The following RFTN1 variants were observed in gnomAD, a reference collection of about 807,000 sequenced individuals.
RFTN1 encodes raftlin, lipid raft linker 1.
RFTN1 carries 26 observed loss-of-function variants against 46.5 expected under a neutral mutation model. That is an observed-to-expected ratio of 0.56 (90% CI 0.41 to 0.78). The LOEUF (loss-of-function observed/expected upper bound fraction) is 0.78. RFTN1 is among the 30% of genes least tolerant of loss of function. The pLI is 0.00. For synonymous variants in RFTN1, 261 were observed against 284.2 expected (o/e 0.92, Z 0.82); for missense variants, 693 against 718.7 (o/e 0.96, Z 0.41).
rs973554530 is a variant in RFTN1 at position 16,448,554 on chromosome 3, AT to A, written c.146-14518del. Among the ~76,000 whole-genome samples the A allele has an allele frequency of 6.6e-6, 1 of 152,076 alleles. No homozygotes were observed. The highest frequency in any genetic ancestry group is 1.5e-5 in the Non-Finnish European group (1 of 68,012). On this transcript the variant is annotated intron_variant, in intron 2 of 9. Coordinates refer to ENST00000334133, the MANE Select transcript of RFTN1 (RefSeq NM_015150.2). This position sits in a 1 kb window ranked among gnomAD's most constrained non-coding sequence, Gnocchi z 4.1. ...AGTAACCTTCCTTGAAGCACATTAA[AT>A]TTTTTTTCTTAACTAACTGTCGCTA...
intron 2 of RFTN1, among the ~76,000 whole-genome samples, chr3:16,487,692 C>T (rs2076472100): frequency 6.6e-6 from 1 of 152,206 alleles, no homozygotes; most frequent in South Asian, 2.1e-4. Context: ...GCCAACTGTC[C>T]CTGGCACCAA....
chr3:16,470,127 T>C (rs1483914844), intron 2 of RFTN1, among the ~76,000 whole-genome samples: 1 of 152,172 alleles, frequency 6.6e-6, no homozygotes, highest in Non-Finnish European at 1.5e-5. Context: ...TGTCTATCTT[T>C]AAAATGGGGA....
chr3:16,416,890 C>T (rs941440131), intron 3 of RFTN1, among the ~76,000 whole-genome samples: 1 of 152,164 alleles, frequency 6.6e-6, no homozygotes, highest in Non-Finnish European at 1.5e-5. Context: ...ATAAAATACA[C>T]ATCACATAAC....
chr3:16,391,611 T>C (rs1244446308), intron 4 of RFTN1, among the ~76,000 whole-genome samples: 1 of 152,138 alleles, frequency 6.6e-6, no homozygotes, highest in Non-Finnish European at 1.5e-5. Context: ...CAAAAATAGT[T>C]ACCAATCAAT....
intron 4 of RFTN1, among the ~76,000 whole-genome samples, chr3:16,398,177 G>T (rs1211826365): frequency 6.7e-6 from 1 of 150,366 alleles, no homozygotes; most frequent in African/African-American, 2.4e-5. Context: ...AACCCGGGAG[G>T]TGGAGGTTGC....
intron 6 of RFTN1, among the ~76,000 whole-genome samples, chr3:16,359,108 G>T (rs1475257908): frequency 6.6e-6 from 1 of 150,674 alleles, no homozygotes; most frequent in Non-Finnish European, 1.5e-5. Flanking sequence ...AGCACCTTTT[G>T]CCCCTTTGTT....
chr3:16,454,240 A>C (rs567427045), intron 2 of RFTN1, among the ~76,000 whole-genome samples: 1 of 152,358 alleles, frequency 6.6e-6, no homozygotes, highest in African/African-American at 2.4e-5. Flanking sequence ...AAAATTTAAT[A>C]GGAATTGCCA....
rs1479625499 is a variant in RFTN1, at chr3:16,369,685, C to T, written c.1030+391G>A. Among the ~76,000 whole-genome samples, 6 of 152,330 alleles carry T rather than the reference C, an allele frequency of 3.9e-5. No homozygotes were observed. The South Asian group carries it at 1.0e-3, about 26-fold the overall frequency. ...CTCTGCTGTTAATTTCAAGGTGCTGCTACTGCTACTTCAAACTGTAATAGT... is the reference window on the plus strand; with the variant it reads ...CTCTGCTGTTAATTTCAAGGTGCTGTTACTGCTACTTCAAACTGTAATAGT... On this transcript the variant is annotated intron_variant, in intron 6 of 9. Coordinates refer to ENST00000334133, the MANE Select transcript of RFTN1 (RefSeq NM_015150.2).
In RFTN1 at chr3:16,329,611, G is replaced by A. The variant is rs940416249; in HGVS notation, c.1147-2735C>T. Among the ~76,000 whole-genome samples, 9 of 152,162 alleles carry A rather than the reference G, an allele frequency of 5.9e-5. No homozygotes were observed. The highest frequency in any genetic ancestry group is 1.3e-4 in the Non-Finnish European group (9 of 68,030). On this transcript the variant is annotated intron_variant, in intron 7 of 9. Coordinates refer to ENST00000334133, the MANE Select transcript of RFTN1 (RefSeq NM_015150.2). This position sits in a 1 kb window ranked among gnomAD's most constrained non-coding sequence, Gnocchi z 4.5. Reference sequence around the variant, plus strand: ...CTGCTGGGTGCCACGCTCACCACCTGCTGAAGGAGTCCTGAGGCTGCTTTA... The same window carrying A: ...CTGCTGGGTGCCACGCTCACCACCTACTGAAGGAGTCCTGAGGCTGCTTTA...
chr3:16,432,462 G>A (rs2075407861), intron 3 of RFTN1, among the ~76,000 whole-genome samples: 1 of 152,148 alleles, frequency 6.6e-6, no homozygotes, highest in Non-Finnish European at 1.5e-5. Context: ...AGGTTGCAGT[G>A]AGCTGAGATC....
At chr3:16,415,445 A>ACG (rs2075059991) in intron 3 of RFTN1, among the ~76,000 whole-genome samples, 1 of 148,922 alleles carries the variant, frequency 6.7e-6, no homozygotes, top group African/African-American at 2.4e-5. Context: ...ACACACACAC[A>ACG]CATATATACT....
chr3:16,458,791 T>C lies in RFTN1; in HGVS notation c.146-24754A>G, dbSNP rs1285626443. On this transcript the variant is annotated intron_variant, in intron 2 of 9. Transcript: ENST00000334133. This position sits in a 1 kb window ranked among gnomAD's most constrained non-coding sequence, Gnocchi z 5.1. ...GCAGTCCTTCAGGCCATATAGCTGT[T>C]CTTTTTAAATACACATTTATAATGA... Among the ~76,000 whole-genome samples, 1 of 152,224 alleles carries C rather than the reference T, an allele frequency of 6.6e-6. No individual in the cohort carries two copies. Among genetic ancestry groups the C allele is most frequent in the Non-Finnish European group, 1.5e-5 (1 of 68,026 alleles).
chr3:16,456,923 G>A (rs778650068), intron 2 of RFTN1, among the ~76,000 whole-genome samples: 1 of 152,196 alleles, frequency 6.6e-6, no homozygotes, highest in Non-Finnish European at 1.5e-5. Flanking sequence ...AAATGTGTTA[G>A]AGTTATAGAG....
At chr3:16,445,268 A>G (rs945782794) in intron 2 of RFTN1, among the ~76,000 whole-genome samples, 1 of 152,126 alleles carries the variant, frequency 6.6e-6, no homozygotes, top group Non-Finnish European at 1.5e-5. Context: ...ATACCTTCTC[A>G]TGGGCCTCAC....
At chr3:16,417,477 C>T (rs2075104610) in intron 3 of RFTN1, among the ~76,000 whole-genome samples, 1 of 152,204 alleles carries the variant, frequency 6.6e-6, no homozygotes, top group African/African-American at 2.4e-5. Context: ...AATGTCAACA[C>T]AACTGGCCAC....
rs780574319 is a variant in RFTN1 at position 16,474,136 on chromosome 3, T to G, written c.145+19589A>C. ...TTTGCATTTGGTATAAAAATAGCTATCATTTACTGAGAATTATCTAGGGGT... is the reference window on the plus strand; with the variant it reads ...TTTGCATTTGGTATAAAAATAGCTAGCATTTACTGAGAATTATCTAGGGGT... On this transcript the variant is annotated intron_variant, in intron 2 of 9. Transcript: ENST00000334133. The surrounding 1 kb of genome is among the most constrained non-coding windows in gnomAD (Gnocchi z 5.5). 3.3e-5 allele frequency among the ~76,000 whole-genome samples: 5 copies of G among 152,228 alleles called. No individual in the cohort carries two copies. The highest frequency in any genetic ancestry group is 7.3e-5 in the Non-Finnish European group (5 of 68,032).
intron 2 of RFTN1, among the ~76,000 whole-genome samples, chr3:16,477,909 T>C (rs1167755605): frequency 6.6e-6 from 1 of 152,238 alleles, no homozygotes; most frequent in Non-Finnish European, 1.5e-5. Flanking sequence ...TGATGAGCTC[T>C]GCTCAACAGG....
In RFTN1 at chr3:16,374,349, T is replaced by G. The variant is rs2073657885; in HGVS notation, c.826+3369A>C. The stretch of plus-strand genomic sequence containing the variant: ...CGTGGGTGGGAGCTCAATAGCTGTT[T>G]GTTAATGGACTGAGTAAAAGGCCAG... On this transcript the variant is annotated intron_variant, in intron 5 of 9. Coordinates refer to ENST00000334133, the MANE Select transcript of RFTN1 (RefSeq NM_015150.2). The surrounding 1 kb of genome is among the most constrained non-coding windows in gnomAD (Gnocchi z 5.4). Among the ~76,000 whole-genome samples the G allele has an allele frequency of 6.6e-6, 1 of 152,192 alleles. No homozygotes were observed. Among genetic ancestry groups the G allele is most frequent in the Non-Finnish European group, 1.5e-5 (1 of 68,036 alleles).
intron 7 of RFTN1, among the ~76,000 whole-genome samples, chr3:16,355,647 G>C (rs2347001): frequency 2.0e-5 from 3 of 152,026 alleles, no homozygotes; most frequent in Non-Finnish European, 4.4e-5. Flanking sequence ...ATCTATACCC[G>C]CCCTGGTTCT....
Sources: allele counts gnomAD v4.1 joint callset (sites outside exome capture counted in the v4.1 genomes callset), GRCh38; gene constraint gnomAD v4.1.1; non-coding constraint Gnocchi (gnomAD v3.1); transcripts MANE v1.5; gene names NCBI Gene and HGNC (gene_info 2026-07-23, HGNC 2026-07-21).